The following GPR158 variants were observed in gnomAD, a reference collection of about 807,000 sequenced individuals.
The protein encoded by GPR158 is metabotropic glycine receptor.
GPR158 carries 30 observed loss-of-function variants against 78.2 expected under a neutral mutation model. That is an observed-to-expected ratio of 0.38 (90% CI 0.29 to 0.52). The LOEUF is 0.52. GPR158 is among the 20% of genes least tolerant of loss of function. The pLI is 0.83. For missense variants in GPR158, 1,463 were observed against 1,523.5 expected (o/e 0.96, Z 0.66); for synonymous variants, 581 against 591.1 (o/e 0.98, Z 0.25).
intron 1 of GPR158, among the ~76,000 whole-genome samples, chr10:25,192,290 G>T: frequency 6.6e-6 from 1 of 152,146 alleles, no homozygotes; most frequent in Non-Finnish European, 1.5e-5. Flanking sequence ...ACGGTTTTAA[G>T]TTTCCTGAGG....
intron 2 of GPR158, among the ~76,000 whole-genome samples, chr10:25,377,293 G>A (rs1834094012): frequency 6.6e-6 from 1 of 151,796 alleles, no homozygotes; most frequent in Non-Finnish European, 1.5e-5. Context: ...ATGCCATCAT[G>A]TATGTTTGTT....
At chr10:25,580,765 AC>A (rs1480267345) in intron 7 of GPR158, among the ~76,000 whole-genome samples, 1 of 151,862 alleles carries the variant, frequency 6.6e-6, no homozygotes, top group Non-Finnish European at 1.5e-5. Flanking sequence ...TCCCTCTGTC[AC>A]CCCGGCTGGA....
At chr10:25,397,922 A>G (rs983659535) in intron 3 of GPR158, among the ~76,000 whole-genome samples, 5 of 152,184 alleles carry the variant, frequency 3.3e-5, no homozygotes, top group Admixed American at 3.3e-4. Flanking sequence ...GAGAGAGAGA[A>G]TCTTCTACTG....
intron 5 of GPR158, among the ~76,000 whole-genome samples, chr10:25,516,353 G>A (rs1265781849): frequency 6.6e-6 from 1 of 151,440 alleles, no homozygotes; most frequent in African/African-American, 2.4e-5. Flanking sequence ...TTCTTTGGCT[G>A]TGCAGAAGCT....
intron 2 of GPR158, among the ~76,000 whole-genome samples, chr10:25,289,455 C>T (rs988772494): frequency 5.9e-5 from 9 of 152,062 alleles, no homozygotes; most frequent in South Asian, 2.1e-4. Flanking sequence ...TTTTTTGAGG[C>T]GGAGTCTTGC....
At chr10:25,439,034 A>G (rs982592719) in intron 4 of GPR158, among the ~76,000 whole-genome samples, 31 of 152,228 alleles carry the variant, frequency 2.0e-4, no homozygotes, top group Non-Finnish European at 1.2e-4. Context: ...AGAATTGAAT[A>G]GTTAAAACAG....
rs144977539 is a variant in GPR158 at position 25,321,004 on chromosome 10, C to A, written c.1009-74907C>A. On this transcript the variant is annotated intron_variant, in intron 2 of 10. Transcript: ENST00000376351. ...CTGGATTCCTTGAAAGTTTGCATAGCACAAAGTAATATAAATGTTTCTGGA... is the reference window on the plus strand; with the variant it reads ...CTGGATTCCTTGAAAGTTTGCATAGAACAAAGTAATATAAATGTTTCTGGA... Among the ~76,000 whole-genome samples, 19 of 152,260 alleles carry A rather than the reference C, an allele frequency of 1.2e-4. No individual in the cohort carries two copies. The East Asian group carries it at 3.7e-3, about 29-fold the overall frequency.
At chr10:25,556,724 C>T (rs912141823) in intron 6 of GPR158, among the ~76,000 whole-genome samples, 1 of 152,258 alleles carries the variant, frequency 6.6e-6, no homozygotes, top group African/African-American at 2.4e-5. Context: ...GTCTGCTAGC[C>T]GCAGAGGTGA....
intron 4 of GPR158, among the ~76,000 whole-genome samples, chr10:25,443,319 C>T (rs1042280057): frequency 1.3e-5 from 2 of 151,922 alleles, no homozygotes; most frequent in African/African-American, 4.8e-5. Context: ...CTTTGGGAGG[C>T]CGAGGCGGAC....
rs533189354 is a variant in GPR158 at position 25,312,861 on chromosome 10, T to C, written c.1009-83050T>C. On this transcript the variant is annotated intron_variant, in intron 2 of 10. Coordinates refer to ENST00000376351, the MANE Select transcript of GPR158 (RefSeq NM_020752.3). ...TCGTTATTAATCAAATTTGATGCCA[T>C]TGCCTTGATTAATGCTAAGACGCCA... Among the ~76,000 whole-genome samples, 74 of 152,238 alleles carry C rather than the reference T, an allele frequency of 4.9e-4. 1 individual carries two copies. The highest frequency in any genetic ancestry group is 3.4e-3 in the Middle Eastern group (1 of 294).
At chr10:25,403,980 G>A (rs1029581106) in intron 3 of GPR158, among the ~76,000 whole-genome samples, 9 of 152,022 alleles carry the variant, frequency 5.9e-5, no homozygotes, top group Non-Finnish European at 1.3e-4. Flanking sequence ...CTCAAAGAAT[G>A]TAAACTTTTA....
intron 1 of GPR158, among the ~76,000 whole-genome samples, chr10:25,189,134 A>G (rs941150198): frequency 6.6e-6 from 1 of 152,190 alleles, no homozygotes; most frequent in Non-Finnish European, 1.5e-5. Context: ...TCAGGAAATA[A>G]CAGGTGCTGG....
At chr10:25,515,916 C>T (rs1285025360) in intron 5 of GPR158, among the ~76,000 whole-genome samples, 1 of 151,244 alleles carries the variant, frequency 6.6e-6, no homozygotes, top group Non-Finnish European at 1.5e-5. Context: ...AATGGTATTT[C>T]TAGTTCTAGA....
intron 2 of GPR158, among the ~76,000 whole-genome samples, chr10:25,370,740 G>A (rs368378269): frequency 1.1e-4 from 17 of 151,008 alleles, no homozygotes; most frequent in South Asian, 4.2e-4. Context: ...TTTCTGTCTC[G>A]TTGATCTGTC....
chr10:25,292,417 CT>C (rs1005907368), intron 2 of GPR158, among the ~76,000 whole-genome samples: 7 of 152,026 alleles, frequency 4.6e-5, no homozygotes, highest in South Asian at 4.1e-4. Flanking sequence ...TGAATGGATA[CT>C]TTTTTTTCTT....
chr10:25,343,788 GTT>G (rs1438008878), intron 2 of GPR158, among the ~76,000 whole-genome samples: 1 of 151,962 alleles, frequency 6.6e-6, no homozygotes, highest in African/African-American at 2.4e-5. Flanking sequence ...CTAGCAGGTG[GTT>G]ATATGCCTGC....
intron 5 of GPR158, among the ~76,000 whole-genome samples, chr10:25,508,823 C>G (rs1836047279): frequency 6.6e-6 from 1 of 152,176 alleles, no homozygotes; most frequent in African/African-American, 2.4e-5. Context: ...CAGCCCCTCT[C>G]CCTGCTATGG....
chr10:25,519,353 G>A (rs1293601575), intron 5 of GPR158, among the ~76,000 whole-genome samples: 2 of 140,988 alleles, frequency 1.4e-5, no homozygotes, highest in South Asian at 2.3e-4. Context: ...TCTTTTAATT[G>A]GAGAATTTAG....
intron 4 of GPR158, among the ~76,000 whole-genome samples, chr10:25,450,235 T>G (rs1046127641): frequency 6.6e-6 from 1 of 151,938 alleles, no homozygotes; most frequent in African/African-American, 2.4e-5. Flanking sequence ...AGCAGCTGCA[T>G]GCATAAAACA....
Sources: gnomAD v4.1 joint callset for allele counts (sites outside exome capture counted in the v4.1 genomes callset) on GRCh38, gnomAD v4.1.1 for gene constraint, MANE v1.5 for transcripts, NCBI Gene and HGNC (gene_info 2026-07-23, HGNC 2026-07-21) for gene names.